KCNQ3: variants seen among roughly 807,000 people sequenced by gnomAD.
The protein encoded by KCNQ3 is potassium voltage-gated channel subfamily KQT member 3.
KCNQ3 carries 30 observed loss-of-function variants against 92.5 expected under a neutral mutation model. The ratio of observed to expected loss-of-function variants is 0.32; its 90% confidence interval spans 0.24 to 0.44. The LOEUF (loss-of-function observed/expected upper bound fraction) is 0.44. Ranked by LOEUF, KCNQ3 falls within the 20% of genes least tolerant of loss-of-function variation. The pLI is 1.00. For synonymous variants in KCNQ3, 450 were observed against 468.8 expected, an observed-to-expected ratio of 0.96 and a Z score of 0.52; for missense variants, 913 against 1,140.3, an observed-to-expected ratio of 0.80 and a Z score of 2.87.
rs1253768879 is a variant in KCNQ3, at chr8:132,134,364, T to C, written c.1725A>G (p.Gly575=). Residue 575 remains glycine, a synonymous_variant, in exon 13 of 15, where the codon GGA becomes GGG. Transcript: ENST00000388996. ...QTRIDMIFTP[G]PPSTPKHKKS... ...TCTTGTGTTTTGGCGTGGAGGGAGG[T>C]CCAGGGGTGAAAATCATATCTATTC... 2 of 1,613,034 alleles carry C rather than the reference T, an allele frequency of 1.2e-6. No homozygotes were observed. Among genetic ancestry groups the C allele is most frequent in the South Asian group, 1.1e-5 (1 of 91,042 alleles).
chr8:132,350,830 TC>T (rs1347926295), intron 1 of KCNQ3, among the ~76,000 whole-genome samples: 5 of 152,186 alleles, frequency 3.3e-5, no homozygotes, highest in Non-Finnish European at 5.9e-5. Flanking sequence ...AGCCTTCTCT[TC>T]TGGAATTCTA....
At chr8:132,228,308 G>A (rs1360746591) in intron 1 of KCNQ3, among the ~76,000 whole-genome samples, 4 of 151,788 alleles carry the variant, frequency 2.6e-5, no homozygotes, top group Non-Finnish European at 5.9e-5. Context: ...GGACAGAAAG[G>A]CACTGTATTA....
chr8:132,151,048 T>A (rs974462972), intron 9 of KCNQ3, among the ~76,000 whole-genome samples: 7 of 152,240 alleles, frequency 4.6e-5, no homozygotes, highest in Non-Finnish European at 1.0e-4. Flanking sequence ...GACTAAATTA[T>A]GCAGGTCAGA....
intron 1 of KCNQ3, among the ~76,000 whole-genome samples, chr8:132,206,975 A>G (rs2130282394): frequency 6.6e-6 from 1 of 152,310 alleles, no homozygotes; most frequent in Non-Finnish European, 1.5e-5. Flanking sequence ...ACTTAGTTAT[A>G]AAATATTCAA....
chr8:132,257,419 C>T (rs1752358229), intron 1 of KCNQ3, among the ~76,000 whole-genome samples: 1 of 151,974 alleles, frequency 6.6e-6, no homozygotes, highest in Admixed American at 6.6e-5. Context: ...TGATTAAACA[C>T]TCCAATCAAA....
chr8:132,192,742 C>T (rs1020100423), intron 1 of KCNQ3, among the ~76,000 whole-genome samples: 2 of 152,158 alleles, frequency 1.3e-5, no homozygotes, highest in Admixed American at 6.5e-5. Flanking sequence ...CTCTGCCTTC[C>T]GGGTTCAAGC....
intron 9 of KCNQ3, among the ~76,000 whole-genome samples, chr8:132,149,165 A>G (rs962159813): frequency 9.9e-5 from 15 of 152,158 alleles, no homozygotes; most frequent in African/African-American, 3.4e-4. Flanking sequence ...GAGATTTTTC[A>G]TATAGAATTG....
chr8:132,361,669 A>T (rs369284761), intron 1 of KCNQ3, among the ~76,000 whole-genome samples: 157 of 152,328 alleles, frequency 1.0e-3, no homozygotes, highest in Middle Eastern at 0.01. Context: ...AAGAAAAGAA[A>T]ATGAAATAAA....
At chr8:132,132,096 AAAAG>A (rs912302658) in intron 14 of KCNQ3, 80 bp downstream of exon 14, 31 of 1,009,480 alleles carry the variant, frequency 3.1e-5, no homozygotes, top group Admixed American at 2.2e-4. Context: ...TTAAAAAAAA[AAAAG>A]AAAGAAAGAA....
intron 7 of KCNQ3, among the ~76,000 whole-genome samples, chr8:132,171,193 C>G (rs1006328674): frequency 3.3e-5 from 5 of 152,062 alleles, no homozygotes; most frequent in African/African-American, 9.7e-5. Context: ...ATCCTAGAAT[C>G]TCTAGGATTC....
At chr8:132,254,504 G>A (rs1815515671) in intron 1 of KCNQ3, among the ~76,000 whole-genome samples, 1 of 152,142 alleles carries the variant, frequency 6.6e-6, no homozygotes, top group Admixed American at 6.5e-5. Context: ...ATATGTGTTT[G>A]TCTCTTCAAG....
chr8:132,275,819 C>T (rs541338581), intron 1 of KCNQ3, among the ~76,000 whole-genome samples: 8 of 152,224 alleles, frequency 5.3e-5, no homozygotes, highest in South Asian at 4.1e-4. Flanking sequence ...CCTCGTGATC[C>T]GCCCACCTCG....
rs145098530 is a variant in KCNQ3 at position 132,137,959 on chromosome 8, A to G, written c.1626T>C (p.Asp542=). The change falls in exon 12 of 15, where the codon GAT becomes GAC. Residue 542 remains aspartate, a synonymous_variant. Coordinates refer to ENST00000388996, the MANE Select transcript of KCNQ3 (RefSeq NM_004519.4). ...KKFKETLRPY[D]VKDVIEQYSA... ...AATACTGCTCAATCACATCCTTCAC[A>G]TCGTAAGGCCTCAAAGTCTCCTTGA... The G allele has an allele frequency of 3.1e-6, 5 of 1,613,670 alleles. No individual in the cohort carries two copies. The African/African-American group carries it at 6.7e-5, about 22-fold the overall frequency.
chr8:132,440,491 G>A (rs1322684013), intron 1 of KCNQ3, among the ~76,000 whole-genome samples: 10 of 152,082 alleles, frequency 6.6e-5, no homozygotes, highest in Non-Finnish European at 1.3e-4. Flanking sequence ...GCCTGGCCCC[G>A]CACAGTGTAA....
intron 1 of KCNQ3, among the ~76,000 whole-genome samples, chr8:132,269,404 T>G (rs541277240): frequency 6.6e-6 from 1 of 152,356 alleles, no homozygotes; most frequent in African/African-American, 2.4e-5. Flanking sequence ...GTCTAGATTC[T>G]ACTTATTTAT....
intron 1 of KCNQ3, among the ~76,000 whole-genome samples, chr8:132,336,284 G>A (rs778827874): frequency 6.6e-6 from 1 of 152,150 alleles, no homozygotes; most frequent in Non-Finnish European, 1.5e-5. Context: ...CTCCACATCT[G>A]TGGAAACCTC....
At chr8:132,405,132 C>T (rs1407481938) in intron 1 of KCNQ3, among the ~76,000 whole-genome samples, 1 of 152,326 alleles carries the variant, frequency 6.6e-6, no homozygotes, top group Admixed American at 6.5e-5. Context: ...TTCATATTCT[C>T]CTCCTCAAAA....
At chr8:132,464,647 G>A (rs1178046407) in intron 1 of KCNQ3, among the ~76,000 whole-genome samples, 1 of 152,172 alleles carries the variant, frequency 6.6e-6, no homozygotes, top group Non-Finnish European at 1.5e-5. Flanking sequence ...GAAAACGAAG[G>A]AGGAAGTGGT....
chr8:132,445,388 C>T (rs969551577), intron 1 of KCNQ3, among the ~76,000 whole-genome samples: 36 of 152,318 alleles, frequency 2.4e-4, no homozygotes, highest in African/African-American at 8.7e-4. Flanking sequence ...TCCCGCCTCT[C>T]TCCTCCAGAC....
Sources: gnomAD v4.1 joint callset for allele counts (sites outside exome capture counted in the v4.1 genomes callset) on GRCh38, gnomAD v4.1.1 for gene constraint, MANE v1.5 for transcripts, NCBI Gene and HGNC (gene_info 2026-07-23, HGNC 2026-07-21) for gene names.